The following PRKCA variants were observed in gnomAD, a reference collection of about 807,000 sequenced individuals.
PRKCA encodes protein kinase C alpha.
Under a neutral mutation model 87.0 loss-of-function variants are expected in PRKCA, and 27 were observed. The ratio of observed to expected loss-of-function variants is 0.31; its 90% CI spans 0.23 to 0.43. The LOEUF is 0.43. Among genes scored for constraint, PRKCA ranks in the 20% least tolerant of loss-of-function variants. The probability of loss-of-function intolerance (pLI) is 1.00; values close to 1 mark genes in which losing one functional copy is unlikely to be tolerated. For synonymous variants in PRKCA, 329 were observed against 311.1 expected (o/e 1.06, Z -0.61); for missense variants, 518 against 852.3 (o/e 0.61, Z 4.88).
intron 2 of PRKCA, among the ~76,000 whole-genome samples, chr17:66,347,179 T>G (rs1907433124): frequency 6.6e-6 from 1 of 152,188 alleles, no homozygotes. Flanking sequence ...CTTTATACAG[T>G]TACACAAACT....
At chr17:66,509,384 C>T (rs562208370) in intron 3 of PRKCA, among the ~76,000 whole-genome samples, 11 of 152,132 alleles carry the variant, frequency 7.2e-5, no homozygotes, top group African/African-American at 2.4e-4. Flanking sequence ...AGTCCAAGCT[C>T]AAAGGCAGGC....
At chr17:66,425,316 C>T (rs1245566100) in intron 2 of PRKCA, among the ~76,000 whole-genome samples, 5 of 152,270 alleles carry the variant, frequency 3.3e-5, no homozygotes, top group East Asian at 1.9e-4. Context: ...CTACAACCAC[C>T]GAGCCCTCTG....
At position 66,368,380 on chromosome 17, in the gene PRKCA, A is replaced by AT. The variant is rs1567793133; in HGVS notation, c.205+62254dup. On this transcript the variant is annotated intron_variant, in intron 2 of 16. Transcript: ENST00000413366. ...TGTGTATATGTATATATATATATAT[A>AT]TATATATTTTTTTTTTTTTTTTTTT... Among the ~76,000 whole-genome samples the AT allele has an allele frequency of 1.4e-3, 41 of 29,912 alleles. 2 individuals carry two copies. The East Asian group carries it at 0.019, about 14-fold the overall frequency. The allele number at this position is 29,912 out of a possible 152,430, so 19.6% of individuals were successfully genotyped here.
chr17:66,654,485 G>A (rs563387391), intron 5 of PRKCA, among the ~76,000 whole-genome samples: 12 of 152,258 alleles, frequency 7.9e-5, no homozygotes, highest in South Asian at 6.2e-4. Context: ...TAGAGCTCCC[G>A]CAGCCTGCCC....
intron 8 of PRKCA, among the ~76,000 whole-genome samples, chr17:66,732,327 G>A (rs780650891): frequency 1.3e-5 from 2 of 152,198 alleles, no homozygotes; most frequent in Non-Finnish European, 2.9e-5. Flanking sequence ...TCAGTACACA[G>A]TTTATTTCCT....
At chr17:66,688,033 C>A (rs577813607) in intron 6 of PRKCA, among the ~76,000 whole-genome samples, 1 of 152,202 alleles carries the variant, frequency 6.6e-6, no homozygotes, top group South Asian at 2.1e-4. Context: ...GCCAAAGGAG[C>A]CATAGGCAAT....
intron 2 of PRKCA, among the ~76,000 whole-genome samples, chr17:66,381,899 T>G (rs912689788): frequency 3.7e-4 from 57 of 152,158 alleles, no homozygotes; most frequent in Non-Finnish European, 6.6e-4. Flanking sequence ...AGGAAAGGAT[T>G]CGAAACTCCA....
At chr17:66,628,921 C>T (rs377472101) in intron 3 of PRKCA, among the ~76,000 whole-genome samples, 1 of 152,122 alleles carries the variant, frequency 6.6e-6, no homozygotes, top group Non-Finnish European at 1.5e-5. Flanking sequence ...CCCAGCTACT[C>T]GGGAGGCTGA....
At position 66,580,929 on chromosome 17, in the gene PRKCA, G is replaced by GCC. The variant is rs11349506; in HGVS notation, c.289-60418_289-60417dup. ...ATGTAGGTTTAAGATGAGATTTGTT[G>GCC]CCCCCCCCCATGCTCGATTTATCCC... On this transcript the variant is annotated intron_variant, in intron 3 of 16. Transcript: ENST00000413366. 1.3e-4 allele frequency among the ~76,000 whole-genome samples: 19 copies of GCC among 151,112 alleles called. No individual in the cohort carries two copies. In the East Asian group the frequency reaches 2.2e-3, roughly 17 times the overall value.
Position 66,454,485 on chromosome 17 carries a change from C to T in PRKCA, c.206-41716C>T, listed in dbSNP as rs181172854. ...GCAGGATCTGGGTAGGTGTATTAGT[C>T]TGTTTTCATGCTACTGATAAAGACA... On this transcript the variant is annotated intron_variant, in intron 2 of 16. Coordinates refer to ENST00000413366, the MANE Select transcript of PRKCA (RefSeq NM_002737.3). Among the ~76,000 whole-genome samples the T allele has an allele frequency of 3.3e-5, 5 of 152,226 alleles. No homozygotes were observed. In the East Asian group the frequency reaches 9.7e-4, roughly 29 times the overall value.
chr17:66,378,166 T>C (rs1329223141), intron 2 of PRKCA, among the ~76,000 whole-genome samples: 2 of 151,970 alleles, frequency 1.3e-5, no homozygotes, highest in Non-Finnish European at 2.9e-5. Flanking sequence ...CTACTAAAAA[T>C]ACAAAAATTA....
In PRKCA at chr17:66,682,738, T is replaced by G. The variant is rs141738571; in HGVS notation, c.530-4373T>G. ...TTGTTGTTGTTGTTGTTTCCTTATC[T>G]TAATTCTGTGGGTCAAAACAATTTG... On this transcript the variant is annotated intron_variant, in intron 5 of 16. Coordinates refer to ENST00000413366, the MANE Select transcript of PRKCA (RefSeq NM_002737.3). 5.5e-4 allele frequency among the ~76,000 whole-genome samples: 84 copies of G among 152,300 alleles called. No homozygotes were observed. In the East Asian group the frequency reaches 0.015, roughly 28 times the overall value.
At chr17:66,340,153 G>C (rs1326052533) in intron 2 of PRKCA, 1 of 152,136 alleles carries the variant, frequency 6.6e-6, no homozygotes, top group Non-Finnish European at 1.5e-5. Context: ...TGGGGAAACA[G>C]ATAAAAAGGA....
At chr17:66,782,949 G>A (rs1417116854) in intron 14 of PRKCA, among the ~76,000 whole-genome samples, 7 of 152,240 alleles carry the variant, frequency 4.6e-5, no homozygotes, top group Non-Finnish European at 8.8e-5. Flanking sequence ...TGCACAGCAC[G>A]TGACATGCAG....
intron 2 of PRKCA, among the ~76,000 whole-genome samples, chr17:66,377,132 T>C (rs188592125): frequency 1.8e-4 from 28 of 152,228 alleles, no homozygotes; most frequent in African/African-American, 6.3e-4. Flanking sequence ...TTCAAGCGAT[T>C]TTCCTGCCTC....
intron 8 of PRKCA, among the ~76,000 whole-genome samples, chr17:66,703,028 G>T (rs749722659): frequency 3.3e-5 from 5 of 152,164 alleles, no homozygotes; most frequent in Non-Finnish European, 7.3e-5. Context: ...GTTACTCTGG[G>T]TAAGTGAGTG....
intron 2 of PRKCA, among the ~76,000 whole-genome samples, chr17:66,308,667 G>A (rs1904943463): frequency 6.6e-6 from 1 of 151,932 alleles, no homozygotes; most frequent in Non-Finnish European, 1.5e-5. Context: ...TTTGTTTACT[G>A]TGTCTCATCT....
intron 14 of PRKCA, 135 bp from the exon 15 acceptor site, chr17:66,786,732 C>T: frequency 1.6e-6 from 1 of 626,248 alleles, no homozygotes; most frequent in Non-Finnish European, 2.8e-6. Flanking sequence ...GTCAAGTTAG[C>T]TGAGCAAACT....
chr17:66,625,718 C>A (rs186798084), intron 3 of PRKCA, among the ~76,000 whole-genome samples: 1 of 152,154 alleles, frequency 6.6e-6, no homozygotes, highest in Non-Finnish European at 1.5e-5. Flanking sequence ...CCAGAAGAAG[C>A]CTTATTGCCC....
Sources: allele counts gnomAD v4.1 joint callset (sites outside exome capture counted in the v4.1 genomes callset), GRCh38; gene constraint gnomAD v4.1.1; transcripts MANE v1.5; gene names NCBI Gene and HGNC (gene_info 2026-07-23, HGNC 2026-07-21).